Variants in CELSR2 observed in about 807,000 individuals in gnomAD.
CELSR2 encodes cadherin EGF LAG seven-pass G-type receptor 2, also known as EGF-like protein 2.
Under a neutral mutation model 251.6 loss-of-function variants are expected in CELSR2, and 81 were observed. The observed-to-expected ratio is 0.32, with a 90% CI of 0.27 to 0.39. CELSR2 has a LOEUF of 0.39. Ranked by LOEUF, CELSR2 falls within the 10% of genes least tolerant of loss-of-function variation. The pLI, the probability that CELSR2 is intolerant of heterozygous loss-of-function variation, is 1.00. For missense variants in CELSR2, 3,365 were observed against 3,947.7 expected (o/e 0.85, Z 3.96); for synonymous variants, 1,721 against 1,670.5 (o/e 1.03, Z -0.74).
chr1:109,270,277 TC>T, intron 23 of CELSR2, 144 bp downstream of exon 23: 1 of 1,233,020 alleles, frequency 8.1e-7, no homozygotes, highest in Non-Finnish European at 1.1e-6. Flanking sequence ...CTTCTGTGGC[TC>T]CCCCGGGATC....
chr1:109,272,259 C>T lies in CELSR2; in HGVS notation c.7927-19C>T, dbSNP rs1470368880. 1.3e-6 allele frequency: 2 copies of T among 1,553,160 alleles called. No homozygotes were observed. The highest frequency in any genetic ancestry group is 1.7e-6 in the Non-Finnish European group (2 of 1,146,574). On this transcript the variant is annotated intron_variant, in intron 28 of 33. Coordinates refer to ENST00000271332, the MANE Select transcript of CELSR2 (RefSeq NM_001408.3). ...GCCATCCCACTCCCCACTTACTGAC[C>T]TCTCTGTTCCCTGCCTAGTCCTACA...
Position 109,261,288 on chromosome 1 carries a change from G to A in CELSR2, c.4181+24G>A, listed in dbSNP as rs370586018. 140 of 1,604,656 alleles carry A rather than the reference G, an allele frequency of 8.7e-5. No homozygotes were observed. The African/African-American group carries it at 1.8e-3, about 20-fold the overall frequency. On this transcript the variant is annotated intron_variant, in intron 3 of 33. Transcript: ENST00000271332. The surrounding 1 kb of genome is among the most constrained non-coding windows in gnomAD (Gnocchi z 4.8). Reference sequence around the variant, plus strand: ...TCGTGAGTGGCTGGGCACTGGGGGTGGGGAGTGGGCCTGGTGGGCATCTGA... The same window carrying A: ...TCGTGAGTGGCTGGGCACTGGGGGTAGGGAGTGGGCCTGGTGGGCATCTGA...
Position 109,250,793 on chromosome 1 carries a change from T to C in CELSR2, c.714T>C (p.Thr238=). Residue 238 remains threonine (T), a synonymous_variant, in exon 1 of 34, where the codon ACT becomes ACC. Coordinates refer to ENST00000271332, the MANE Select transcript of CELSR2 (RefSeq NM_001408.3). This position sits in a 1 kb window ranked among gnomAD's most constrained non-coding sequence, Gnocchi z 4.4. Reference sequence around the variant, plus strand: ...AGTTCTTCTCCCTGGACCCAGTCACTGGTGCAGTAACCACAGCCGAGGAGC... The same window carrying C: ...AGTTCTTCTCCCTGGACCCAGTCACCGGTGCAGTAACCACAGCCGAGGAGC... ...SNQFFSLDPV[T]GAVTTAEELD... is the part of the protein sequence containing the mutation. The C allele has an allele frequency of 6.2e-7, 1 of 1,614,070 alleles. No homozygotes were observed. The highest frequency in any genetic ancestry group is 8.5e-7 in the Non-Finnish European group (1 of 1,180,032).
Position 109,273,682 on chromosome 1 carries a change from CGGGT to C in CELSR2, c.8744+16_8744+19del. The C allele has an allele frequency of 2.1e-6, 1 of 473,248 alleles. No individual in the cohort carries two copies. The highest frequency in any genetic ancestry group is 2.0e-5 in the South Asian group (1 of 50,224). The allele number at this position is 473,248 out of a possible 1,614,324, so 29.3% of individuals were successfully genotyped here. A position where few individuals can be genotyped will look rare whatever the true frequency, so the allele number is the denominator to read the frequency against. On this transcript the variant is annotated intron_variant, in intron 33 of 33. Coordinates refer to ENST00000271332, the MANE Select transcript of CELSR2 (RefSeq NM_001408.3). ...TCGTCAGGCTCCGAGTGAGTGTGGC[CGGGT>C]GGGCGGGACGGGGTGCAGCCCCTCG...
chr1:109,266,094 C>T lies in CELSR2; in HGVS notation c.5912-11C>T. On this transcript the variant is annotated splice_polypyrimidine_tract_variant and intron_variant, in intron 14 of 33. Transcript: ENST00000271332. ...AGCTGCTCCTGGGTGACCATGTGCT[C>T]TTCCCCGCAGTGAATTATGACAGCT... 2 of 1,613,588 alleles carry T rather than the reference C, an allele frequency of 1.2e-6. No homozygotes were observed. Among genetic ancestry groups the T allele is most frequent in the Non-Finnish European group, 1.7e-6 (2 of 1,179,830 alleles).
chr1:109,271,569 G>A, intron 27 of CELSR2, 31 bp from the exon 28 acceptor site: 7 of 1,614,140 alleles, frequency 4.3e-6, no homozygotes, highest in Non-Finnish European at 5.9e-6. Context: ...GCCTGAATAT[G>A]CACAGACCGT....
chr1:109,261,707 T>C lies in CELSR2; in HGVS notation c.4297+79T>C. 3 of 1,549,880 alleles carry C rather than the reference T, an allele frequency of 1.9e-6. No homozygotes were observed. The highest frequency in any genetic ancestry group is 2.7e-6 in the Non-Finnish European group (3 of 1,126,726). ...CAGCCCCTGACCCCAAGCCACATACTCTATCAGCCAAATCTGGGCCCAGCC... is the reference window on the plus strand; with the variant it reads ...CAGCCCCTGACCCCAAGCCACATACCCTATCAGCCAAATCTGGGCCCAGCC... On this transcript the variant is annotated intron_variant, in intron 4 of 33. Coordinates refer to ENST00000271332, the MANE Select transcript of CELSR2 (RefSeq NM_001408.3). This position sits in a 1 kb window ranked among gnomAD's most constrained non-coding sequence, Gnocchi z 4.8.
rs780904058 is a variant in CELSR2 at position 109,252,371 on chromosome 1, G to C, written c.2292G>C (p.Thr764=). 6.2e-7 allele frequency: 1 copy of C among 1,612,942 alleles called. No homozygotes were observed. The highest frequency in any genetic ancestry group is 8.5e-7 in the Non-Finnish European group (1 of 1,180,016). The change falls in exon 1 of 34, where the codon ACG becomes ACC. Residue 764 remains threonine, a synonymous_variant. Transcript: ENST00000271332. This position sits in a 1 kb window ranked among gnomAD's most constrained non-coding sequence, Gnocchi z 4.8. ...SIPQFRIDAD[T]GAVTTQAELD... ...CCCAGTTCCGCATCGATGCAGACAC[G>C]GGGGCTGTCACCACCCAGGCTGAGC...
At chr1:109,267,075 G>A (rs1028779757) in intron 15 of CELSR2, among the ~76,000 whole-genome samples, 7 of 152,126 alleles carry the variant, frequency 4.6e-5, no homozygotes, top group African/African-American at 1.7e-4. Flanking sequence ...GCTTGGCATA[G>A]GGCTGTGCTA....
rs555896257 is a variant in CELSR2 at position 109,272,873 on chromosome 1, C to T, written c.8184C>T (p.Asp2728=). 9.3e-6 allele frequency: 15 copies of T among 1,613,890 alleles called. No homozygotes were observed. Among genetic ancestry groups the T allele is most frequent in the African/African-American group, 6.7e-5 (5 of 74,996 alleles). ...TDSDSDLSLE[D]DQSGSYASTH... ...CCGACAGTGACCTGTCCTTAGAAGA[C>T]GACCAGAGTGGCTCCTATGCCTCTA... Residue 2728 remains aspartate, a synonymous_variant, in exon 31 of 34, where the codon GAC becomes GAT. Transcript: ENST00000271332.
At position 109,250,375 on chromosome 1, in the gene CELSR2, C is replaced by T. The variant is rs565549939; in HGVS notation, c.296C>T (p.Ala99Val). The T allele has an allele frequency of 3.7e-6, 6 of 1,613,536 alleles. No homozygotes were observed. Among genetic ancestry groups the T allele is most frequent in the East Asian group, 2.2e-5 (1 of 44,878 alleles). Residue 99 changes from alanine to valine, a missense_variant, in exon 1 of 34, where the codon GCC (alanine) becomes GTC (valine). Transcript: ENST00000271332. This position sits in a 1 kb window ranked among gnomAD's most constrained non-coding sequence, Gnocchi z 4.4. ...AGGGTTTGGTGTCCAGAATCCGAGGCCCATATTCCCCTACCACCAGCTCCT... is the reference window on the plus strand; with the variant it reads ...AGGGTTTGGTGTCCAGAATCCGAGGTCCATATTCCCCTACCACCAGCTCCT... ...GLRVWCPESEAHIPLPPAPEG... is the reference protein window; with the variant it reads ...GLRVWCPESEVHIPLPPAPEG...
rs1656415251 is a variant in CELSR2, at chr1:109,272,939, A to C, written c.8250A>C (p.Glu2750Asp). ...SDSEEEEEEE[E>D]EEAAFPGEQG... ...GTGAGGAGGAAGAAGAGGAGGAGGA[A>C]GAGGAGGCCGCCTTCCCTGGAGAGC... The change falls in exon 31 of 34, where the codon GAA becomes GAC. Residue 2750 changes from glutamate to aspartate, a missense_variant. Coordinates refer to ENST00000271332, the MANE Select transcript of CELSR2 (RefSeq NM_001408.3). 6.2e-7 allele frequency: 1 copy of C among 1,613,926 alleles called. No individual in the cohort carries two copies. Among genetic ancestry groups the C allele is most frequent in the South Asian group, 1.1e-5 (1 of 91,086 alleles).
intron 2 of CELSR2, among the ~76,000 whole-genome samples, chr1:109,260,050 C>T (rs377009028): frequency 6.6e-6 from 1 of 151,440 alleles, no homozygotes; most frequent in African/African-American, 2.4e-5. Context: ...ACTCCTTCCC[C>T]GCTGCATCTT....
At chr1:109,264,822 C>CAGGAAGA (rs777439160) in intron 11 of CELSR2, 46 bp from the exon 12 acceptor site, 1 of 1,612,834 alleles carries the variant, frequency 6.2e-7, no homozygotes, top group African/African-American at 1.3e-5. Flanking sequence ...AAGATGGTGC[C>CAGGAAGA]AGGGGAGGGT....
Position 109,250,384 on chromosome 1 carries a change from C to T in CELSR2, c.305C>T (p.Pro102Leu), listed in dbSNP as rs1351720371. The T allele has an allele frequency of 6.2e-7, 1 of 1,613,590 alleles. No individual in the cohort carries two copies. The change falls in exon 1 of 34, where the codon CCC (proline) becomes CTC (leucine). Residue 102 changes from proline to leucine, a missense_variant. Physicochemically the swap from Pro to Leu is moderately conservative, Grantham distance 98. Around this residue, in one of 5 missense-constraint regions of CELSR2, gnomAD observed 704 missense variants for 784.1 expected, o/e 0.90. Transcript: ENST00000271332. This position sits in a 1 kb window ranked among gnomAD's most constrained non-coding sequence, Gnocchi z 4.4. ...VWCPESEAHI[P>L]LPPAPEGCPW... Reference sequence around the variant, plus strand: ...TGTCCAGAATCCGAGGCCCATATTCCCCTACCACCAGCTCCTGAAGGCTGC... The same window carrying T: ...TGTCCAGAATCCGAGGCCCATATTCTCCTACCACCAGCTCCTGAAGGCTGC...
At chr1:109,260,612 G>A (rs1169308559) in intron 2 of CELSR2, among the ~76,000 whole-genome samples, 1 of 152,162 alleles carries the variant, frequency 6.6e-6, no homozygotes, top group Admixed American at 6.5e-5. Flanking sequence ...CCCTCCCGCT[G>A]TCCTGCAGGC....
chr1:109,262,015 G>A (rs1046879137), intron 5 of CELSR2, 119 bp downstream of exon 5: 1 of 1,191,928 alleles, frequency 8.4e-7, no homozygotes, highest in South Asian at 1.4e-5. Context: ...TGGCTGAGAG[G>A]AAGGGAGCGG....
rs758097663 is a variant in CELSR2, at chr1:109,265,252, G to T, written c.5668G>T (p.Asp1890Tyr). ...TCCCACATGTGGCCCATGCAACTGT[G>T]ATGTCAGCAAAGGCTTTGACCCAGA... ...GHPTCGPCNC[D>Y]VSKGFDPDCN... The change falls in exon 13 of 34, where the codon GAT becomes TAT. Residue 1890 changes from aspartate (D) to tyrosine (Y), a missense_variant. Transcript: ENST00000271332. 1 of 1,613,044 alleles carries T rather than the reference G, an allele frequency of 6.2e-7. No homozygotes were observed. Among genetic ancestry groups the T allele is most frequent in the Non-Finnish European group, 8.5e-7 (1 of 1,179,446 alleles).
Position 109,265,894 on chromosome 1 carries a change from G to A in CELSR2, c.5887G>A (p.Glu1963Lys), listed in dbSNP as rs767038058. Residue 1963 changes from glutamate to lysine, a missense_variant, in exon 14 of 34, where the codon GAG (glutamate) becomes AAG (lysine). By Grantham distance (56) the Glu-to-Lys change is moderately conservative. Around this residue, in one of 5 missense-constraint regions of CELSR2, gnomAD observed 2,093 missense variants for 2,382.8 expected, o/e 0.88. Coordinates refer to ENST00000271332, the MANE Select transcript of CELSR2 (RefSeq NM_001408.3). ...QCDRCDNPFA[E>K]VTTNGCEVNY... ...TGACCGCTGTGACAACCCTTTTGCT[G>A]AGGTCACCACCAATGGCTGTGAAGG... is the stretch of plus-strand genomic sequence containing the variant. 9 of 1,613,796 alleles carry A rather than the reference G, an allele frequency of 5.6e-6. No individual in the cohort carries two copies. The highest frequency in any genetic ancestry group is 7.6e-6 in the Non-Finnish European group (9 of 1,179,890).
Sources: gnomAD v4.1 joint callset for allele counts (sites outside exome capture counted in the v4.1 genomes callset) on GRCh38, gnomAD v4.1.1 for gene constraint, gnomAD v4.1.1 regional missense constraint, Gnocchi (gnomAD v3.1) non-coding constraint, MANE v1.5 for transcripts, NCBI Gene and HGNC (gene_info 2026-07-23, HGNC 2026-07-21) for gene names.